Variants in RAB11FIP3 observed in about 807,000 individuals in gnomAD.
RAB11FIP3 encodes the protein RAB11 family interacting protein 3, also known as rab11 family-interacting protein 3.
In RAB11FIP3, 17 loss-of-function variants were observed where a neutral mutation model predicts 77.8. The ratio of observed to expected loss-of-function variants is 0.22; its 90% CI spans 0.15 to 0.33. The LOEUF is 0.33. Ranked by LOEUF, RAB11FIP3 falls within the 10% of genes least tolerant of loss-of-function variation. The probability of loss-of-function intolerance (pLI) is 1.00; values close to 1 mark genes in which losing one functional copy is unlikely to be tolerated. For missense variants in RAB11FIP3, 1,005 were observed against 1,011.2 expected, an observed-to-expected ratio of 0.99 and a Z score of 0.08; for synonymous variants, 437 against 448.2, an observed-to-expected ratio of 0.98 and a Z score of 0.31.
At chr16:512,384 G>A (rs1408532711) in intron 9 of RAB11FIP3, among the ~76,000 whole-genome samples, 1 of 151,798 alleles carries the variant, frequency 6.6e-6, no homozygotes, top group African/African-American at 2.4e-5. Flanking sequence ...GGGACTACAG[G>A]TGCCTGCCAC....
intron 8 of RAB11FIP3, among the ~76,000 whole-genome samples, chr16:508,184 C>G (rs2031968197): frequency 1.3e-5 from 2 of 152,188 alleles, no homozygotes; most frequent in African/African-American, 2.4e-5. Flanking sequence ...GCATAAAATT[C>G]TAGGTCAGAG....
intron 3 of RAB11FIP3, among the ~76,000 whole-genome samples, chr16:477,337 C>T (rs1175370724): frequency 3.3e-5 from 5 of 152,210 alleles, no homozygotes; most frequent in Admixed American, 6.5e-5. Flanking sequence ...GAGTCAGCAG[C>T]GGGTCTTCCT....
intron 1 of RAB11FIP3, among the ~76,000 whole-genome samples, chr16:459,699 G>A (rs1431447681): frequency 6.6e-6 from 1 of 152,092 alleles, no homozygotes. Context: ...CTCTCAAAGT[G>A]CTGGGAATAC....
chr16:492,312 G>T (rs1463279668), intron 5 of RAB11FIP3, among the ~76,000 whole-genome samples: 1 of 138,110 alleles, frequency 7.2e-6, no homozygotes, highest in African/African-American at 2.9e-5. Flanking sequence ...GGAGCATCGG[G>T]GGTCTTGGCA....
chr16:461,102 G>A lies in RAB11FIP3; in HGVS notation c.715-302G>A, dbSNP rs2141649083. Among the ~76,000 whole-genome samples, 1 of 152,332 alleles carries A rather than the reference G, an allele frequency of 6.6e-6. No homozygotes were observed. Among genetic ancestry groups the A allele is most frequent in the Admixed American group, 6.5e-5 (1 of 15,306 alleles). ...AGACGCCTTTCCACAGACGGGCAGG[G>A]CGTTGGGGTGGTTTCAGGATGATAC... is the stretch of plus-strand genomic sequence containing the variant. On this transcript the variant is annotated intron_variant, in intron 1 of 13. Transcript: ENST00000262305. The surrounding 1 kb of genome is among the most constrained non-coding windows in gnomAD (Gnocchi z 4.5).
chr16:431,370 T>C (rs1271556451), intron 1 of RAB11FIP3, among the ~76,000 whole-genome samples: 1 of 152,152 alleles, frequency 6.6e-6, no homozygotes, highest in Non-Finnish European at 1.5e-5. Context: ...TTTTACTACA[T>C]TTCTTTTCAG....
chr16:474,551 C>T (rs551981595), intron 3 of RAB11FIP3, among the ~76,000 whole-genome samples: 21 of 152,014 alleles, frequency 1.4e-4, no homozygotes, highest in Admixed American at 3.3e-4. Flanking sequence ...GGCTGTTTGT[C>T]GGGTTTCTGG....
intron 1 of RAB11FIP3, among the ~76,000 whole-genome samples, chr16:459,900 CAG>C (rs1001954005): frequency 8.2e-6 from 1 of 122,646 alleles, no homozygotes; most frequent in African/African-American, 3.1e-5. Flanking sequence ...TTTTTTGAGA[CAG>C]AGTCTCATTC....
At position 461,909 on chromosome 16, in the gene RAB11FIP3, A is replaced by G. The variant is rs2055613371; in HGVS notation, c.808+412A>G. 1.3e-5 allele frequency among the ~76,000 whole-genome samples: 2 copies of G among 152,062 alleles called. No homozygotes were observed. Among genetic ancestry groups the G allele is most frequent in the South Asian group, 2.1e-4 (1 of 4,824 alleles). On this transcript the variant is annotated intron_variant, in intron 2 of 13. Transcript: ENST00000262305. This position sits in a 1 kb window ranked among gnomAD's most constrained non-coding sequence, Gnocchi z 4.5. Reference sequence around the variant, plus strand: ...CCAGTCTGTCCCCCAGCCCCTCTTGAATGGGATGTGTTTGTAATCAGCATG... The same window carrying G: ...CCAGTCTGTCCCCCAGCCCCTCTTGGATGGGATGTGTTTGTAATCAGCATG...
intron 3 of RAB11FIP3, among the ~76,000 whole-genome samples, chr16:475,862 TAAATTG>T (rs2055896564): frequency 6.6e-6 from 1 of 151,974 alleles, no homozygotes; most frequent in African/African-American, 2.4e-5. Flanking sequence ...TTTTATTTTT[TAAATTG>T]TTTTTTGAGA....
intron 1 of RAB11FIP3, among the ~76,000 whole-genome samples, chr16:444,468 G>A (rs2055278321): frequency 6.6e-6 from 1 of 152,134 alleles, no homozygotes; most frequent in Admixed American, 6.6e-5. Context: ...TAGCTGTTCG[G>A]CCTGCAGAAT....
chr16:515,922 C>T (rs770923307), intron 9 of RAB11FIP3, among the ~76,000 whole-genome samples: 10 of 152,204 alleles, frequency 6.6e-5, no homozygotes, highest in Non-Finnish European at 1.3e-4. Flanking sequence ...GAGGAGGAAT[C>T]GGGACTGCAG....
rs2055812877 is a variant in RAB11FIP3 at position 471,722 on chromosome 16, C to A, written c.903+333C>A. Among the ~76,000 whole-genome samples, 1 of 152,182 alleles carries A rather than the reference C, an allele frequency of 6.6e-6. No individual in the cohort carries two copies. The highest frequency in any genetic ancestry group is 6.5e-5 in the Admixed American group (1 of 15,270). ...TGGGAGGATTCCTTTTGTCAACTTG[C>A]AAATGATTTTCTGTGTTTGGGGATG... On this transcript the variant is annotated intron_variant, in intron 3 of 13. Coordinates refer to ENST00000262305, the MANE Select transcript of RAB11FIP3 (RefSeq NM_014700.4). This position sits in a 1 kb window ranked among gnomAD's most constrained non-coding sequence, Gnocchi z 4.4.
At chr16:488,400 A>G (rs954685198) in intron 4 of RAB11FIP3, among the ~76,000 whole-genome samples, 1 of 146,456 alleles carries the variant, frequency 6.8e-6, no homozygotes, top group Non-Finnish European at 1.5e-5. Context: ...GTAAAGAAAC[A>G]GATTTATTTA....
In RAB11FIP3 at chr16:520,109, G is replaced by A. The variant is rs747987108; in HGVS notation, c.1861-13G>A. ...GCCCAGGCCCCCCGGCTCACTGCACGGTTGCCCTGCAGCTGATCGAGGACC... is the reference window on the plus strand; with the variant it reads ...GCCCAGGCCCCCCGGCTCACTGCACAGTTGCCCTGCAGCTGATCGAGGACC... On this transcript the variant is annotated splice_polypyrimidine_tract_variant and intron_variant, in intron 11 of 13. Transcript: ENST00000262305. The A allele has an allele frequency of 7.8e-6, 12 of 1,544,842 alleles. No individual in the cohort carries two copies. The highest frequency in any genetic ancestry group is 1.2e-5 in the South Asian group (1 of 84,046).
chr16:465,668 G>T (rs2055689942), intron 2 of RAB11FIP3, among the ~76,000 whole-genome samples: 1 of 152,144 alleles, frequency 6.6e-6, no homozygotes, highest in Non-Finnish European at 1.5e-5. Context: ...AGAGTGCAGT[G>T]GTGTGATCTC....
Position 482,621 on chromosome 16 carries a change from C to G in RAB11FIP3, c.1000C>G (p.Pro334Ala), listed in dbSNP as rs758031124. The G allele has an allele frequency of 2.1e-5, 34 of 1,613,396 alleles. 1 individual carries two copies. The East Asian group carries it at 7.1e-4, about 34-fold the overall frequency. The change falls in exon 4 of 14, where the codon CCT becomes GCT. Residue 334 changes from proline (P) to alanine (A), a missense_variant. Pro to Ala is a conservative substitution (Grantham distance 27). Transcript: ENST00000262305. ...CGAGGACACCAGCACCCTGGTGCAC[C>G]CTGAGCTGCAACCTGAAGGGGACGC... ...TDEDTSTLVH[P>A]ELQPEGDADS...
chr16:515,670 T>G (rs1414975344), intron 9 of RAB11FIP3, among the ~76,000 whole-genome samples: 2 of 149,796 alleles, frequency 1.3e-5, no homozygotes, highest in African/African-American at 5.0e-5. Flanking sequence ...TGTTTGCATC[T>G]CGGAGCAGCC....
chr16:437,854 A>G (rs2055157644), intron 1 of RAB11FIP3, among the ~76,000 whole-genome samples: 1 of 151,210 alleles, frequency 6.6e-6, no homozygotes, highest in Non-Finnish European at 1.5e-5. Flanking sequence ...GTGCAATGGC[A>G]CGATCTTGGC....
Sources: allele counts gnomAD v4.1 joint callset (sites outside exome capture counted in the v4.1 genomes callset), GRCh38; gene constraint gnomAD v4.1.1; non-coding constraint Gnocchi (gnomAD v3.1); transcripts MANE v1.5; gene names NCBI Gene and HGNC (gene_info 2026-07-23, HGNC 2026-07-21).